The following CERS6 variants were observed in gnomAD, a reference collection of about 807,000 sequenced individuals.
The protein encoded by CERS6 is LAG1 homolog, ceramide synthase 6.
Under a neutral mutation model 56.8 loss-of-function variants are expected in CERS6, and 26 were observed. That is an observed-to-expected ratio of 0.46 (90% CI 0.34 to 0.63). The LOEUF (loss-of-function observed/expected upper bound fraction) is 0.63, where lower values mean the gene tolerates loss of function less well. Ranked by LOEUF, CERS6 falls within the 30% of genes least tolerant of loss-of-function variation. The pLI is 0.01. For synonymous variants in CERS6, 164 were observed against 173.3 expected, an observed-to-expected ratio of 0.95 and a Z score of 0.42; for missense variants, 415 against 467.5, an observed-to-expected ratio of 0.89 and a Z score of 1.04.
At chr2:168,490,991 G>A (rs905426867) in intron 1 of CERS6, among the ~76,000 whole-genome samples, 3 of 152,068 alleles carry the variant, frequency 2.0e-5, no homozygotes, top group African/African-American at 7.2e-5. Context: ...TTCATACTTT[G>A]GGGAGGCAGG....
chr2:168,637,559 T>TAAGTTTTA (rs1172472097), intron 4 of CERS6, among the ~76,000 whole-genome samples: 1 of 152,154 alleles, frequency 6.6e-6, no homozygotes, highest in African/African-American at 2.4e-5. Context: ...CAACTTGTGA[T>TAAGTTTTA]AATGTGGAGG....
chr2:168,573,541 C>T (rs1189340100), intron 3 of CERS6, among the ~76,000 whole-genome samples: 1 of 152,016 alleles, frequency 6.6e-6, no homozygotes, highest in Non-Finnish European at 1.5e-5. Context: ...GACAAGTGAC[C>T]ATCCTGTAGT....
intron 4 of CERS6, among the ~76,000 whole-genome samples, chr2:168,651,531 C>T (rs552556444): frequency 1.4e-4 from 21 of 152,270 alleles, no homozygotes; most frequent in African/African-American, 4.8e-4. Context: ...ACTCACAGTT[C>T]CACATGGATG....
intron 4 of CERS6, among the ~76,000 whole-genome samples, chr2:168,644,580 C>T (rs985341842): frequency 4.6e-5 from 7 of 152,280 alleles, no homozygotes; most frequent in Admixed American, 3.3e-4. Flanking sequence ...AGCAGCCATG[C>T]TCCTTGTTGT....
At chr2:168,576,189 T>C (rs1318600667) in intron 3 of CERS6, among the ~76,000 whole-genome samples, 1 of 152,080 alleles carries the variant, frequency 6.6e-6, no homozygotes, top group Non-Finnish European at 1.5e-5. Flanking sequence ...ATTCTCTTTT[T>C]CCCAAGCAGA....
At chr2:168,699,910 G>T (rs553189655) in intron 6 of CERS6, among the ~76,000 whole-genome samples, 2 of 152,170 alleles carry the variant, frequency 1.3e-5, no homozygotes, top group Non-Finnish European at 2.9e-5. Context: ...ATATTTTTGC[G>T]TTGGAGCTCA....
chr2:168,581,648 G>C (rs922992835), intron 3 of CERS6, among the ~76,000 whole-genome samples: 7 of 151,968 alleles, frequency 4.6e-5, no homozygotes, highest in African/African-American at 1.7e-4. Context: ...AAACCTGCTT[G>C]TTCAGTTTTC....
intron 4 of CERS6, among the ~76,000 whole-genome samples, chr2:168,671,118 A>T (rs1404012785): frequency 4.0e-5 from 6 of 148,970 alleles, no homozygotes; most frequent in African/African-American, 1.2e-4. Flanking sequence ...ATGCCACCAC[A>T]CCTAGCTAAT....
chr2:168,466,614 AC>A (rs1392329408), intron 1 of CERS6, among the ~76,000 whole-genome samples: 1 of 152,238 alleles, frequency 6.6e-6, no homozygotes, highest in Non-Finnish European at 1.5e-5. Context: ...TGGTCATTGT[AC>A]AAAATACTGT....
At chr2:168,535,512 A>G (rs1558987902) in intron 1 of CERS6, among the ~76,000 whole-genome samples, 1 of 151,992 alleles carries the variant, frequency 6.6e-6, no homozygotes, top group Non-Finnish European at 1.5e-5. Flanking sequence ...TCCGTGGATC[A>G]TGCCAGCCTC....
At chr2:168,633,969 A>G (rs1170623119) in intron 4 of CERS6, among the ~76,000 whole-genome samples, 2 of 152,224 alleles carry the variant, frequency 1.3e-5, no homozygotes, top group African/African-American at 2.4e-5. Flanking sequence ...GGATTATTAC[A>G]TGTGCTGTTA....
At chr2:168,643,910 G>A (rs1394413054) in intron 4 of CERS6, among the ~76,000 whole-genome samples, 3 of 152,176 alleles carry the variant, frequency 2.0e-5, no homozygotes, top group Non-Finnish European at 4.4e-5. Context: ...CAGAATTTAA[G>A]ATGTGGATAT....
chr2:168,752,992 T>C lies in CERS6; in HGVS notation c.846-12600T>C, dbSNP rs1684320991. Among the ~76,000 whole-genome samples the C allele has an allele frequency of 5.3e-5, 8 of 152,192 alleles. No individual in the cohort carries two copies. The South Asian group carries it at 1.7e-3, about 31-fold the overall frequency. On this transcript the variant is annotated intron_variant, in intron 8 of 9. Coordinates refer to ENST00000305747, the MANE Select transcript of CERS6 (RefSeq NM_203463.3). ...CTATACAAATGGGGTATTTTATCCA[T>C]GGAGAAAACAATCAGAACAAGTGAA...
At chr2:168,557,641 A>G (rs1301611758) in intron 2 of CERS6, among the ~76,000 whole-genome samples, 20 of 152,216 alleles carry the variant, frequency 1.3e-4, no homozygotes, top group Admixed American at 1.3e-3. Flanking sequence ...TTCCAAATGT[A>G]CTAAAGATTT....
At chr2:168,599,590 A>G (rs1174496199) in intron 3 of CERS6, among the ~76,000 whole-genome samples, 1 of 152,210 alleles carries the variant, frequency 6.6e-6, no homozygotes, top group East Asian at 1.9e-4. Context: ...CCCGATTAGA[A>G]AACATTGTTC....
intron 6 of CERS6, among the ~76,000 whole-genome samples, chr2:168,695,285 T>C (rs1686617591): frequency 6.6e-6 from 1 of 152,176 alleles, no homozygotes; most frequent in Non-Finnish European, 1.5e-5. Flanking sequence ...CATGTAATAA[T>C]GTAGCAATGA....
chr2:168,547,532 C>A, intron 1 of CERS6, 64 bp from the exon 2 acceptor site: 2 of 841,328 alleles, frequency 2.4e-6, no homozygotes, highest in Non-Finnish European at 3.7e-6. Flanking sequence ...TAACTGGTGG[C>A]ATTAAGAATC....
At chr2:168,647,646 GT>G (rs1297819033) in intron 4 of CERS6, among the ~76,000 whole-genome samples, 1 of 152,150 alleles carries the variant, frequency 6.6e-6, no homozygotes, top group African/African-American at 2.4e-5. Flanking sequence ...TTGGCTGTGG[GT>G]TTGTCATAGA....
At chr2:168,665,952 C>CTGTGTGTGTGTGTGTGTGTGTG (rs58913968) in intron 4 of CERS6, among the ~76,000 whole-genome samples, 2 of 143,198 alleles carry the variant, frequency 1.4e-5, no homozygotes, top group African/African-American at 5.3e-5. Context: ...AATTAGTAGA[C>CTGTGTGTGTGTGTGTGTGTGTG]TGTGTGTGTG....
Sources: gnomAD v4.1 joint callset for allele counts (sites outside exome capture counted in the v4.1 genomes callset) on GRCh38, gnomAD v4.1.1 for gene constraint, MANE v1.5 for transcripts, NCBI Gene and HGNC (gene_info 2026-07-23, HGNC 2026-07-21) for gene names.